DLGAP1: variants seen among roughly 807,000 people sequenced by gnomAD.
DLGAP1 encodes the protein disks large-associated protein 1.
A neutral mutation model predicts 90.8 loss-of-function variants in DLGAP1; 11 were observed. That is an observed-to-expected ratio of 0.12 (90% CI 0.08 to 0.20). DLGAP1 has a LOEUF of 0.20. Ranked by LOEUF, DLGAP1 falls within the 10% of genes least tolerant of loss-of-function variation. The pLI, the probability that DLGAP1 is intolerant of heterozygous loss-of-function variation, is 1.00. For synonymous variants in DLGAP1, 558 were observed against 540.7 expected, an observed-to-expected ratio of 1.03 and a Z score of -0.44; for missense variants, 1,050 against 1,333.8, an observed-to-expected ratio of 0.79 and a Z score of 3.31.
chr18:3,614,171 C>T (rs971654311), intron 7 of DLGAP1, among the ~76,000 whole-genome samples: 3 of 143,120 alleles, frequency 2.1e-5, no homozygotes, highest in Non-Finnish European at 3.0e-5. Flanking sequence ...CCGCCCGCCT[C>T]GGCCTCCCAA....
chr18:3,497,792 A>G lies in DLGAP1; in HGVS notation c.*1393T>C, dbSNP rs924861613. ...GCCCATCAATCAAGACTAAAAATCT[A>G]AATCAACACTCTCTGCCAAAAGCCT... On this transcript the variant is annotated 3_prime_UTR_variant, in exon 13 of 13. Transcript: ENST00000315677. 2 of 152,232 alleles carry G rather than the reference A, an allele frequency of 1.3e-5. No homozygotes were observed. The highest frequency in any genetic ancestry group is 4.8e-5 in the African/African-American group (2 of 41,450). 9.4% of individuals were successfully genotyped at this position (152,232 alleles called of 1,614,324 possible).
At chr18:3,955,984 T>C (rs2073076760) in intron 3 of DLGAP1, among the ~76,000 whole-genome samples, 1 of 152,160 alleles carries the variant, frequency 6.6e-6, no homozygotes, top group Non-Finnish European at 1.5e-5. Flanking sequence ...CTAATATATG[T>C]ATACAACTGA....
chr18:3,901,136 A>G (rs1335723180), intron 3 of DLGAP1, among the ~76,000 whole-genome samples: 3 of 151,948 alleles, frequency 2.0e-5, no homozygotes, highest in Non-Finnish European at 4.4e-5. Flanking sequence ...AAACGACTTG[A>G]AGTTTTCCTT....
chr18:3,931,620 G>A (rs2072517056), intron 3 of DLGAP1, among the ~76,000 whole-genome samples: 1 of 152,102 alleles, frequency 6.6e-6, no homozygotes, highest in Non-Finnish European at 1.5e-5. Context: ...TCTGGCCTTT[G>A]GAAAGCAGTG....
rs451261 is a variant in DLGAP1, at chr18:3,719,646, A to C, written c.1591+9489T>G. On this transcript the variant is annotated intron_variant, in intron 7 of 12. Transcript: ENST00000315677. Reference sequence around the variant, plus strand: ...CTTGGTTTTGATATTGTTGAGATGTAACTGTTGGGGAAACTGTGTGAGGGG... The same window carrying C: ...CTTGGTTTTGATATTGTTGAGATGTCACTGTTGGGGAAACTGTGTGAGGGG... Among the ~76,000 whole-genome samples the C allele has an allele frequency of 2.8e-3, 430 of 151,928 alleles. 2 individuals carry two copies. Among genetic ancestry groups the C allele is most frequent in the African/African-American group, 9.6e-3 (396 of 41,438 alleles).
chr18:3,764,940 G>C (rs1023305228), intron 5 of DLGAP1, among the ~76,000 whole-genome samples: 1 of 152,012 alleles, frequency 6.6e-6, no homozygotes, highest in African/African-American at 2.4e-5. Flanking sequence ...GGGCCACAGG[G>C]AAGAACAGGG....
At chr18:4,178,092 T>C (rs757861594) in intron 1 of DLGAP1, among the ~76,000 whole-genome samples, 16 of 152,128 alleles carry the variant, frequency 1.1e-4, no homozygotes, top group Non-Finnish European at 2.4e-4. Flanking sequence ...CAAATCTTTA[T>C]TGAATTCCAT....
chr18:3,826,041 T>G (rs2067692651), intron 4 of DLGAP1, among the ~76,000 whole-genome samples: 1 of 152,172 alleles, frequency 6.6e-6, no homozygotes, highest in Non-Finnish European at 1.5e-5. Flanking sequence ...AACCAAATAC[T>G]GCCTGTTCTC....
At chr18:4,183,943 CAG>C (rs1283449942) in intron 1 of DLGAP1, among the ~76,000 whole-genome samples, 1 of 152,056 alleles carries the variant, frequency 6.6e-6, no homozygotes, top group Non-Finnish European at 1.5e-5. Flanking sequence ...CATCTTGTTG[CAG>C]AGAGTGATGG....
chr18:3,809,099 C>T (rs184201459), intron 5 of DLGAP1, among the ~76,000 whole-genome samples: 4 of 152,104 alleles, frequency 2.6e-5, no homozygotes, highest in East Asian at 1.9e-4. Flanking sequence ...GTGGGCATCT[C>T]GGATCGATGA....
intron 2 of DLGAP1, among the ~76,000 whole-genome samples, chr18:4,093,935 A>T (rs2143786823): frequency 6.6e-6 from 1 of 152,130 alleles, no homozygotes; most frequent in South Asian, 2.1e-4. Context: ...TCATATCCTG[A>T]CCTCTTGCTT....
chr18:3,779,337 A>G lies in DLGAP1; in HGVS notation c.1172+34722T>C, dbSNP rs985824372. ...GTGATCCTCCCACCTTGGCCTCCCA[A>G]AGTGCTGGGATTACAGGTGTGAGCC... On this transcript the variant is annotated intron_variant, in intron 5 of 12. Coordinates refer to ENST00000315677, the MANE Select transcript of DLGAP1 (RefSeq NM_004746.4). Among the ~76,000 whole-genome samples the G allele has an allele frequency of 5.3e-5, 8 of 152,206 alleles. No individual in the cohort carries two copies. The East Asian group carries it at 1.6e-3, about 29-fold the overall frequency.
chr18:3,651,677 C>T (rs1293217130), intron 7 of DLGAP1, among the ~76,000 whole-genome samples: 1 of 150,742 alleles, frequency 6.6e-6, no homozygotes, highest in African/African-American at 2.4e-5. Flanking sequence ...GCCTGTAATC[C>T]CAGCACTTTG....
chr18:4,241,796 T>G (rs750508206), intron 1 of DLGAP1, among the ~76,000 whole-genome samples: 12 of 152,254 alleles, frequency 7.9e-5, no homozygotes, highest in Admixed American at 2.0e-4. Flanking sequence ...GAAAGAAACT[T>G]AGGCAATACT....
At chr18:3,937,064 A>G (rs1324785073) in intron 3 of DLGAP1, among the ~76,000 whole-genome samples, 2 of 152,228 alleles carry the variant, frequency 1.3e-5, no homozygotes, top group African/African-American at 2.4e-5. Context: ...AGGCTGAAAC[A>G]TGGGCACGCC....
At chr18:3,751,522 T>A (rs1461790116) in intron 5 of DLGAP1, among the ~76,000 whole-genome samples, 1 of 151,094 alleles carries the variant, frequency 6.6e-6, no homozygotes, top group Non-Finnish European at 1.5e-5. Context: ...GGTCTTGAAC[T>A]CCTGGTCCCA....
At chr18:4,106,571 T>C (rs1171350776) in intron 2 of DLGAP1, among the ~76,000 whole-genome samples, 1 of 152,156 alleles carries the variant, frequency 6.6e-6, no homozygotes, top group Non-Finnish European at 1.5e-5. Context: ...AATGCATAAA[T>C]GCAACTCACG....
intron 3 of DLGAP1, among the ~76,000 whole-genome samples, chr18:3,955,059 A>C (rs556972364): frequency 5.3e-5 from 8 of 152,204 alleles, no homozygotes; most frequent in Non-Finnish European, 1.2e-4. Context: ...TGAAGAAATT[A>C]CTCCAGGCTG....
chr18:3,938,949 C>T (rs1211277279), intron 3 of DLGAP1, among the ~76,000 whole-genome samples: 1 of 152,062 alleles, frequency 6.6e-6, no homozygotes, highest in Non-Finnish European at 1.5e-5. Flanking sequence ...GACAAGTGCC[C>T]CAGTTCTATG....
Sources: gnomAD v4.1 joint callset for allele counts (sites outside exome capture counted in the v4.1 genomes callset) on GRCh38, gnomAD v4.1.1 for gene constraint, MANE v1.5 for transcripts, NCBI Gene and HGNC (gene_info 2026-07-23, HGNC 2026-07-21) for gene names.